The following PIEZO1 variants were observed in gnomAD, a reference collection of about 807,000 sequenced individuals.
The protein encoded by PIEZO1 is piezo type mechanosensitive ion channel component 1 (Er blood group), also known as piezo-type mechanosensitive ion channel component 1.
A neutral mutation model predicts 297.2 loss-of-function variants in PIEZO1; 296 were observed. The ratio of observed to expected loss-of-function variants is 1.00; its 90% CI spans 0.91 to 1.10. PIEZO1 has a LOEUF of 1.10. PIEZO1 is among the 50% of genes least tolerant of loss of function. The pLI is 0.00. For synonymous variants in PIEZO1, 2,427 were observed against 1,507.5 expected (o/e 1.61, Z -14.13); for missense variants, 5,018 against 3,455.5 (o/e 1.45, Z -11.34).
rs1449449536 is a variant in PIEZO1, at chr16:88,723,934, G to A, written c.4272C>T (p.Asp1424=). The change falls in exon 31 of 51, where the codon GAC becomes GAT. Residue 1424 remains aspartate, a synonymous_variant. Coordinates refer to ENST00000301015, the MANE Select transcript of PIEZO1 (RefSeq NM_001142864.4). ...HSGDYFLFES[D]SEEEEEAVPE... ...GAACAGCCTCCTCCTCTTCCTCACT[G>A]TCGGACTCAAACAGGAAGTAGTCCC... is the stretch of plus-strand genomic sequence containing the variant. 1.9e-6 allele frequency: 3 copies of A among 1,549,606 alleles called. No homozygotes were observed. The highest frequency in any genetic ancestry group is 3.9e-5 in the Admixed American group (2 of 50,992).
chr16:88,723,041 G>A, intron 33 of PIEZO1, 32 bp from the exon 34 acceptor site: 1 of 1,543,092 alleles, frequency 6.5e-7, no homozygotes, highest in South Asian at 1.2e-5. Flanking sequence ...CGCTGGAGGG[G>A]CAGCCTGTGG....
intron 2 of PIEZO1, 127 bp from the exon 3 acceptor site, chr16:88,742,549 G>A (rs940358597): frequency 2.5e-5 from 24 of 957,232 alleles, no homozygotes; most frequent in African/African-American, 5.0e-5. Flanking sequence ...ACCCGCCATG[G>A]ACTCAGGACC....
Position 88,742,302 on chromosome 16 carries a change from C to T in PIEZO1, c.281G>A (p.Ser94Asn). 2.6e-6 allele frequency: 4 copies of T among 1,532,622 alleles called. No homozygotes were observed. The highest frequency in any genetic ancestry group is 3.5e-6 in the Non-Finnish European group (4 of 1,145,000). The allele number at this position is 1,532,622 out of a possible 1,614,324, so 94.9% of individuals were successfully genotyped here. The change falls in exon 3 of 51, where the codon AGC becomes AAC. Residue 94 changes from serine (S) to asparagine (N), a missense_variant and splice_region_variant. Coordinates refer to ENST00000301015, the MANE Select transcript of PIEZO1 (RefSeq NM_001142864.4). ...ACCCCGCCCCCTCAGCGACTCACAG[C>T]TGGGTCCCAGGAGCTGGTCCAGGCG... ...VPRLDQLLGP[S>N]CSRWETLSRH...
intron 1 of PIEZO1, among the ~76,000 whole-genome samples, chr16:88,756,744 G>A (rs146445142): frequency 1.3e-5 from 2 of 151,322 alleles, no homozygotes; most frequent in Admixed American, 6.6e-5. Context: ...CTCCAGCCTG[G>A]GCAATAGAGC....
In PIEZO1 at chr16:88,737,497, G is replaced by T. The variant is rs1463879177; in HGVS notation, c.1195+62C>A. ...GAGAGCGCCAGGCGGCCACCAGGGG[G>T]CAGCACCGGCCTCCGCCCCGCCCCC... is the stretch of plus-strand genomic sequence containing the variant. On this transcript the variant is annotated intron_variant, in intron 10 of 50. Transcript: ENST00000301015. 7.4e-6 allele frequency: 9 copies of T among 1,208,228 alleles called. No homozygotes were observed. The Admixed American group carries it at 2.0e-4, about 26-fold the overall frequency. 74.8% of individuals were successfully genotyped at this position (1,208,228 alleles called of 1,614,324 possible). A position where few individuals can be genotyped will look rare whatever the true frequency, so the allele number is the denominator to read the frequency against.
intron 30 of PIEZO1, 100 bp from the exon 31 acceptor site, chr16:88,724,071 C>T (rs992664657): frequency 2.7e-5 from 19 of 715,624 alleles, no homozygotes; most frequent in Non-Finnish European, 4.6e-5. Context: ...CCACCCTTCC[C>T]ATGCGGAGTA....
In PIEZO1 at chr16:88,735,001, G is replaced by T. The variant is rs749058802; in HGVS notation, c.1722C>A (p.Gly574=). ...LLQSLGELVK[G]VYAKYWIYVC... ...CATAGATCCAGTACTTGGCGTACAC[G>T]CCCTTCACCAGCTCCCCCAGGCTCT... is the stretch of plus-strand genomic sequence containing the variant. The change falls in exon 14 of 51, where the codon GGC becomes GGA. Residue 574 remains glycine, a synonymous_variant. Coordinates refer to ENST00000301015, the MANE Select transcript of PIEZO1 (RefSeq NM_001142864.4). 2.5e-5 allele frequency: 39 copies of T among 1,550,378 alleles called. No homozygotes were observed. The highest frequency in any genetic ancestry group is 3.2e-5 in the Non-Finnish European group (37 of 1,146,988).
At chr16:88,753,933 C>T (rs913917227) in intron 1 of PIEZO1, among the ~76,000 whole-genome samples, 1 of 152,200 alleles carries the variant, frequency 6.6e-6, no homozygotes, top group African/African-American at 2.4e-5. Flanking sequence ...GGGCCTGAGA[C>T]AATCCAAGGA....
chr16:88,732,344 G>T lies in PIEZO1; in HGVS notation c.2982C>A (p.Phe994Leu). The T allele has an allele frequency of 6.5e-7, 1 of 1,549,272 alleles. No homozygotes were observed. Among genetic ancestry groups the T allele is most frequent in the South Asian group, 1.2e-5 (1 of 83,980 alleles). The change falls in exon 21 of 51, where the codon TTC becomes TTA. Residue 994 changes from phenylalanine to leucine, a missense_variant. Physicochemically the swap from Phe to Leu is conservative, Grantham distance 22 (BLOSUM62 0). Transcript: ENST00000301015. ...AATGTCCTTGCCTCACCTCCAGCCC[G>T]AATTTGTAGAAGAAGAAGTTGATGA... is the stretch of plus-strand genomic sequence containing the variant. ...KYFINFFFYK[F>L]GLEICFLMAV... is the part of the protein sequence containing the mutation.
In PIEZO1 at chr16:88,731,799, C is replaced by T; in HGVS notation, c.3103G>A (p.Ala1035Thr). ...AGGCAGTAGTTGGGCCAGAGGCGGG[C>T]AATGGCCTGGCGGTGCCTGCGGGTG... Reference protein sequence around the residue: ...ILTRRHRQAIARLWPNYCLFL... With the variant: ...ILTRRHRQAITRLWPNYCLFL... Residue 1035 changes from alanine (A) to threonine (T), a missense_variant, in exon 22 of 51, where the codon GCC becomes ACC. Transcript: ENST00000301015. 4 of 1,548,324 alleles carry T rather than the reference C, an allele frequency of 2.6e-6. No individual in the cohort carries two copies. Among genetic ancestry groups the T allele is most frequent in the Non-Finnish European group, 3.5e-6 (4 of 1,146,334 alleles).
Position 88,716,172 on chromosome 16 carries a change from C to G in PIEZO1, c.7129+26G>C, listed in dbSNP as rs1230862398. 5.9e-6 allele frequency: 9 copies of G among 1,514,908 alleles called. 1 individual carries two copies. In the Middle Eastern group the frequency reaches 6.9e-4, roughly 116 times the overall value. The allele number at this position is 1,514,908 out of a possible 1,614,324, so 93.8% of individuals were successfully genotyped here. A position where few individuals can be genotyped will look rare whatever the true frequency, so the allele number is the denominator to read the frequency against. The stretch of plus-strand genomic sequence containing the variant: ...GCCGCAGGTCACCCCTCTCTAGCCT[C>G]CCCCAACCCCCACGCCCATACTCAC... On this transcript the variant is annotated intron_variant, in intron 49 of 50. Coordinates refer to ENST00000301015, the MANE Select transcript of PIEZO1 (RefSeq NM_001142864.4).
In PIEZO1 at chr16:88,785,032, C is replaced by T. The variant is rs561172578; in HGVS notation, c.-68G>A. The T allele has an allele frequency of 8.8e-5, 89 of 1,014,060 alleles. 1 individual carries two copies. In the South Asian group the frequency reaches 1.3e-3, roughly 15 times the overall value. The allele number at this position is 1,014,060 out of a possible 1,614,324, so 62.8% of individuals were successfully genotyped here. A position where few individuals can be genotyped will look rare whatever the true frequency, so the allele number is the denominator to read the frequency against. ...CGGCGCTATGGGGCGGTGCGGGGGC[C>T]CCGGGGCCGGCGCGCCATGGCTGAC... is the stretch of plus-strand genomic sequence containing the variant. On this transcript the variant is annotated 5_prime_UTR_variant, in exon 1 of 51. Transcript: ENST00000301015.
At chr16:88,731,626 T>C (rs1904814509) in intron 22 of PIEZO1, 80 bp downstream of exon 22, 30 of 1,103,456 alleles carry the variant, frequency 2.7e-5, no homozygotes, top group African/African-American at 1.6e-5. Flanking sequence ...TGGACAGGAG[T>C]CTGGGGCAGG....
rs935918010 is a variant in PIEZO1 at position 88,732,970 on chromosome 16, G to A, written c.2665-238C>T. On this transcript the variant is annotated intron_variant, in intron 19 of 50. Coordinates refer to ENST00000301015, the MANE Select transcript of PIEZO1 (RefSeq NM_001142864.4). ...GGTCCAGGGAGAAGGAGGGATGTGC[G>A]AGAAGGTCCCAGGCAGAGATGCCTG... 6.0e-5 allele frequency: 35 copies of A among 585,996 alleles called. No individual in the cohort carries two copies. In the Admixed American group the frequency reaches 7.7e-4, roughly 13 times the overall value. 36.3% of individuals were successfully genotyped at this position (585,996 alleles called of 1,614,324 possible).
chr16:88,722,034 T>A lies in PIEZO1; in HGVS notation c.4988A>T (p.Glu1663Val). 1 of 1,547,820 alleles carries A rather than the reference T, an allele frequency of 6.5e-7. No homozygotes were observed. Among genetic ancestry groups the A allele is most frequent in the Non-Finnish European group, 8.7e-7 (1 of 1,146,412 alleles). The change falls in exon 37 of 51, where the codon GAG (glutamate) becomes GTG (valine). Residue 1663 changes from glutamate to valine, a missense_variant. Transcript: ENST00000301015. ...CCGGCCCTGCCCCTCCGCAAACAGC[T>A]CTGCCTCCTCCAGCTCTGGGATGCG... ...RLRIPELEEA[E>V]LFAEGQGRAL...
intron 2 of PIEZO1, chr16:88,743,548 C>T (rs1303290932): frequency 8.8e-6 from 4 of 456,538 alleles, no homozygotes; most frequent in East Asian, 6.9e-5. Flanking sequence ...TGCCCTCTCT[C>T]GGCCTCGGGG....
At chr16:88,777,428 C>T (rs1907715970) in intron 1 of PIEZO1, among the ~76,000 whole-genome samples, 1 of 151,748 alleles carries the variant, frequency 6.6e-6, no homozygotes, top group Admixed American at 6.6e-5. Context: ...CTGTCACTGG[C>T]CCGCAGACAC....
At chr16:88,756,811 T>G (rs1028116610) in intron 1 of PIEZO1, among the ~76,000 whole-genome samples, 11 of 150,972 alleles carry the variant, frequency 7.3e-5, no homozygotes, top group Admixed American at 4.6e-4. Flanking sequence ...GTGCAGTGGC[T>G]CATGCCTGTA....
chr16:88,760,458 G>A (rs1338408052), intron 1 of PIEZO1, among the ~76,000 whole-genome samples: 4 of 152,252 alleles, frequency 2.6e-5, no homozygotes, highest in African/African-American at 7.2e-5. Flanking sequence ...ACCAACCCCT[G>A]TCATCTCATG....
Sources: allele counts gnomAD v4.1 joint callset (sites outside exome capture counted in the v4.1 genomes callset), GRCh38; gene constraint gnomAD v4.1.1; transcripts MANE v1.5; gene names NCBI Gene and HGNC (gene_info 2026-07-23, HGNC 2026-07-21).